TBC1D22A: variants seen among roughly 807,000 people sequenced by gnomAD.
The protein encoded by TBC1D22A is TBC1 domain family member 22A.
In TBC1D22A, 38 loss-of-function variants were observed where a neutral mutation model predicts 60.2. The observed-to-expected ratio is 0.63, with a 90% confidence interval of 0.49 to 0.83. The LOEUF (loss-of-function observed/expected upper bound fraction) is 0.83, where lower values mean the gene tolerates loss of function less well. Among genes scored for constraint, TBC1D22A ranks in the 40% least tolerant of loss-of-function variants. TBC1D22A has a pLI of 0.00. For missense variants in TBC1D22A, 628 were observed against 701.0 expected (o/e 0.90, Z 1.18); for synonymous variants, 302 against 281.7 (o/e 1.07, Z -0.72).
chr22:46,851,401 T>C (rs1315382031), intron 4 of TBC1D22A, among the ~76,000 whole-genome samples: 1 of 152,232 alleles, frequency 6.6e-6, no homozygotes, highest in Admixed American at 6.5e-5. Context: ...CACTCATCTC[T>C]AGAGACCCCT....
intron 1 of TBC1D22A, among the ~76,000 whole-genome samples, chr22:46,776,490 AG>A (rs2083711508): frequency 6.6e-6 from 1 of 151,968 alleles, no homozygotes; most frequent in Non-Finnish European, 1.5e-5. Context: ...TGGTGGCTGC[AG>A]GAGTTTTGGC....
At chr22:46,903,667 C>T (rs2069175462) in intron 7 of TBC1D22A, among the ~76,000 whole-genome samples, 2 of 152,166 alleles carry the variant, frequency 1.3e-5, no homozygotes, top group African/African-American at 4.8e-5. Context: ...CCCTGCCTGC[C>T]CCAGCAGGGT....
chr22:46,811,252 C>A (rs1221658069), intron 4 of TBC1D22A, among the ~76,000 whole-genome samples: 1 of 152,166 alleles, frequency 6.6e-6, no homozygotes, highest in East Asian at 1.9e-4. Context: ...AAGGAGCTGT[C>A]AGGGACAGAT....
Position 46,974,365 on chromosome 22 carries a change from A to T in TBC1D22A, c.1091A>T (p.Tyr364Phe), listed in dbSNP as rs2074204143. 6.8e-6 allele frequency: 11 copies of T among 1,611,528 alleles called. No homozygotes were observed. The highest frequency in any genetic ancestry group is 8.5e-6 in the Non-Finnish European group (10 of 1,179,120). ...CTGTGCAACATCGAGGCCGACACCT[A>T]CTGGTGCATGAGCAAGCTGCTGGAT... ...EVLCNIEADT[Y>F]WCMSKLLDGI... is the part of the protein sequence containing the mutation. The change falls in exon 9 of 13, where the codon TAC (tyrosine) becomes TTC (phenylalanine). Residue 364 changes from tyrosine to phenylalanine, a missense_variant. Transcript: ENST00000337137.
At chr22:46,892,958 G>A (rs546131439) in intron 6 of TBC1D22A, among the ~76,000 whole-genome samples, 34 of 152,324 alleles carry the variant, frequency 2.2e-4, no homozygotes, top group Non-Finnish European at 3.5e-4. Flanking sequence ...TTAGAACTGC[G>A]CCTTCTGCGT....
intron 1 of TBC1D22A, chr22:46,774,354 G>C: frequency 1.4e-6 from 1 of 703,398 alleles, no homozygotes; most frequent in Non-Finnish European, 1.7e-6. Flanking sequence ...GCCCCGTGCT[G>C]TGGGGAACTT....
intron 4 of TBC1D22A, among the ~76,000 whole-genome samples, chr22:46,800,462 C>T (rs950574147): frequency 1.3e-5 from 2 of 152,150 alleles, no homozygotes; most frequent in African/African-American, 2.4e-5. Context: ...GCTGGCTCTC[C>T]TGCCTCCAGG....
rs1393561622 is a variant in TBC1D22A at position 46,912,183 on chromosome 22, A to G, written c.1010A>G (p.Tyr337Cys). 4 of 1,610,884 alleles carry G rather than the reference A, an allele frequency of 2.5e-6. No homozygotes were observed. Among genetic ancestry groups the G allele is most frequent in the Non-Finnish European group, 3.4e-6 (4 of 1,177,484 alleles). ...TTCTTTGTGGTCTTCATTTGTGAATACATAGGTAAGATTTCTTGCAAACAT... is the reference window on the plus strand; with the variant it reads ...TTCTTTGTGGTCTTCATTTGTGAATGCATAGGTAAGATTTCTTGCAAACAT... ...TPFFVVFICE[Y>C]IEAEEVDTVD... The change falls in exon 8 of 13, where the codon TAC (tyrosine) becomes TGC (cysteine). Residue 337 changes from tyrosine to cysteine, a missense_variant. By Grantham distance (194) the Tyr-to-Cys change is radical (BLOSUM62 -2). Coordinates refer to ENST00000337137, the MANE Select transcript of TBC1D22A (RefSeq NM_014346.5).
intron 8 of TBC1D22A, among the ~76,000 whole-genome samples, chr22:46,966,347 C>G (rs1290791613): frequency 1.3e-5 from 2 of 152,180 alleles, no homozygotes. Flanking sequence ...AACAGACGGT[C>G]GAAAGCATCG....
intron 3 of TBC1D22A, among the ~76,000 whole-genome samples, chr22:46,796,850 A>C (rs2084675585): frequency 6.6e-6 from 1 of 152,094 alleles, no homozygotes; most frequent in South Asian, 2.1e-4. Context: ...TTTCCTTGGG[A>C]TGAGGGTCCC....
chr22:46,827,499 G>T (rs1226296635), intron 4 of TBC1D22A, among the ~76,000 whole-genome samples: 1 of 152,170 alleles, frequency 6.6e-6, no homozygotes, highest in Non-Finnish European at 1.5e-5. Context: ...CTTTCTCACG[G>T]ACTTACCTTT....
intron 8 of TBC1D22A, among the ~76,000 whole-genome samples, chr22:46,963,256 C>T (rs2073612048): frequency 1.1e-5 from 1 of 92,936 alleles, no homozygotes. Flanking sequence ...GCCTGATCAC[C>T]TTACCCCATG....
At chr22:47,024,869 G>A (rs1442583628) in intron 10 of TBC1D22A, among the ~76,000 whole-genome samples, 1 of 152,108 alleles carries the variant, frequency 6.6e-6, no homozygotes, top group African/African-American at 2.4e-5. Flanking sequence ...AGAAAAAAAA[G>A]AGAAAAGCCC....
At chr22:46,778,743 T>C (rs535005741) in intron 1 of TBC1D22A, among the ~76,000 whole-genome samples, 1 of 147,788 alleles carries the variant, frequency 6.8e-6, no homozygotes, top group South Asian at 2.2e-4. Context: ...TCTAAAATAA[T>C]GATAAAAAGT....
chr22:46,825,537 G>A (rs1014650905), intron 4 of TBC1D22A, among the ~76,000 whole-genome samples: 3 of 152,142 alleles, frequency 2.0e-5, no homozygotes, highest in South Asian at 4.2e-4. Flanking sequence ...GCAGTGGCAC[G>A]ATCTCAGCTC....
At chr22:46,976,513 A>G (rs183893685) in intron 9 of TBC1D22A, among the ~76,000 whole-genome samples, 63 of 152,278 alleles carry the variant, frequency 4.1e-4, no homozygotes, top group African/African-American at 1.4e-3. Context: ...CCGCTGTTTT[A>G]AGTTCAGAGA....
chr22:46,994,199 G>C (rs1051546335), intron 9 of TBC1D22A, among the ~76,000 whole-genome samples: 1 of 152,144 alleles, frequency 6.6e-6, no homozygotes, highest in African/African-American at 2.4e-5. Flanking sequence ...AAACAAAACT[G>C]TGCCAGATGG....
intron 7 of TBC1D22A, among the ~76,000 whole-genome samples, chr22:46,902,009 C>G (rs1268196745): frequency 6.6e-6 from 1 of 152,324 alleles, no homozygotes; most frequent in African/African-American, 2.4e-5. Flanking sequence ...TATGCAAAAT[C>G]TCTGAGCTCC....
intron 4 of TBC1D22A, among the ~76,000 whole-genome samples, chr22:46,872,173 G>A (rs8136758): frequency 0.18 from 27,072 of 152,054 alleles, 3,278 homozygotes; most frequent in African/African-American, 0.34. Flanking sequence ...TTCACTCAAG[G>A]AAAACATCAG....
Sources: gnomAD v4.1 joint callset for allele counts (sites outside exome capture counted in the v4.1 genomes callset) on GRCh38, gnomAD v4.1.1 for gene constraint, MANE v1.5 for transcripts, NCBI Gene and HGNC (gene_info 2026-07-23, HGNC 2026-07-21) for gene names.